The following RABEP1 variants were observed in gnomAD, a reference collection of about 807,000 sequenced individuals.
RABEP1 encodes rabaptin, RAB GTPase binding effector protein 1, also known as rab GTPase-binding effector protein 1.
A neutral mutation model predicts 123.4 loss-of-function variants in RABEP1; 51 were observed. That is an observed-to-expected ratio of 0.41 (90% CI 0.33 to 0.52). RABEP1 has a LOEUF of 0.52. Ranked by LOEUF, RABEP1 falls within the 20% of genes least tolerant of loss-of-function variation. RABEP1 has a pLI of 0.16. For missense variants in RABEP1, 888 were observed against 996.3 expected (o/e 0.89, Z 1.46); for synonymous variants, 347 against 355.2 (o/e 0.98, Z 0.26).
At chr17:5,369,574 ATG>A (rs979380183) in intron 12 of RABEP1, among the ~76,000 whole-genome samples, 1 of 152,178 alleles carries the variant, frequency 6.6e-6, no homozygotes, top group African/African-American at 2.4e-5. Flanking sequence ...CCATAGTTTC[ATG>A]TGTTTTCTCT....
chr17:5,372,819 A>G (rs1053006812), intron 12 of RABEP1, among the ~76,000 whole-genome samples: 4 of 151,858 alleles, frequency 2.6e-5, no homozygotes, highest in Admixed American at 6.6e-5. Flanking sequence ...GCAACGGTGC[A>G]ATCTCGGCTC....
intron 2 of RABEP1, among the ~76,000 whole-genome samples, chr17:5,317,325 A>G (rs750260623): frequency 6.6e-6 from 1 of 152,190 alleles, no homozygotes; most frequent in East Asian, 1.9e-4. Flanking sequence ...ACAGAGACAC[A>G]TGATCATCTT....
intron 1 of RABEP1, among the ~76,000 whole-genome samples, chr17:5,299,395 T>A (rs1468793233): frequency 1.3e-5 from 2 of 151,310 alleles, no homozygotes; most frequent in African/African-American, 2.4e-5. Context: ...TTTTTTTTTT[T>A]AAGCAGTTTT....
chr17:5,384,309 CAGGTCTTTGCCATAACT>C lies in RABEP1; in HGVS notation c.*1087_*1103del, dbSNP rs1911759921. On this transcript the variant is annotated 3_prime_UTR_variant, in exon 18 of 18. Coordinates refer to ENST00000537505, the MANE Select transcript of RABEP1 (RefSeq NM_004703.6). ...CTGTGTGAAGAAAGCCTCAGTGAAA[CAGGTCTTTGCCATAACT>C]TTATGAAGTGCTACAGAAAGCACAA... 4.7e-6 allele frequency: 1 copy of C among 213,546 alleles called. No homozygotes were observed. The highest frequency in any genetic ancestry group is 5.8e-5 in the Admixed American group (1 of 17,120). 13.2% of individuals were successfully genotyped at this position (213,546 alleles called of 1,614,324 possible).
At chr17:5,299,779 G>T (rs1431764409) in intron 1 of RABEP1, among the ~76,000 whole-genome samples, 1 of 137,674 alleles carries the variant, frequency 7.3e-6, no homozygotes, top group Non-Finnish European at 1.5e-5. Flanking sequence ...CGCCAGGCTG[G>T]AGTGCAATGG....
Position 5,385,188 on chromosome 17 carries a change from A to G in RABEP1, c.*1965A>G, listed in dbSNP as rs1478690275. On this transcript the variant is annotated 3_prime_UTR_variant, in exon 18 of 18. Coordinates refer to ENST00000537505, the MANE Select transcript of RABEP1 (RefSeq NM_004703.6). ...CTGAGACTCTTAAGTTTTGTTTAGC[A>G]ATGTGTTTCTGGTATGAAACAAACT... 4.8e-5 allele frequency: 11 copies of G among 230,030 alleles called. No homozygotes were observed. The highest frequency in any genetic ancestry group is 9.5e-5 in the Non-Finnish European group (11 of 116,170). The allele number at this position is 230,030 out of a possible 1,614,324, so 14.2% of individuals were successfully genotyped here. A position where few individuals can be genotyped will look rare whatever the true frequency, so the allele number is the denominator to read the frequency against.
intron 2 of RABEP1, among the ~76,000 whole-genome samples, chr17:5,324,704 A>G (rs768143357): frequency 2.0e-5 from 3 of 152,240 alleles, no homozygotes; most frequent in Non-Finnish European, 4.4e-5. Flanking sequence ...TATGAAGAAG[A>G]TTTGTTAAAG....
chr17:5,338,493 C>T (rs1029195167), intron 5 of RABEP1, among the ~76,000 whole-genome samples: 5 of 152,176 alleles, frequency 3.3e-5, no homozygotes, highest in Non-Finnish European at 4.4e-5. Context: ...GCTTGAAGCC[C>T]GGTGGCGGAG....
rs770933539 is a variant in RABEP1, at chr17:5,373,781, C to G, written c.2025+327C>G. Among the ~76,000 whole-genome samples the G allele has an allele frequency of 2.6e-5, 4 of 151,870 alleles. No homozygotes were observed. In the South Asian group the frequency reaches 6.2e-4, roughly 24 times the overall value. ...CCTTTAGCTACCATCCTTATTCCCC[C>G]TCCTCCCCTAGCCTTAAGCAACTAC... On this transcript the variant is annotated intron_variant, in intron 13 of 17. Coordinates refer to ENST00000537505, the MANE Select transcript of RABEP1 (RefSeq NM_004703.6).
chr17:5,289,146 CCCTT>C (rs1349398728), intron 1 of RABEP1, among the ~76,000 whole-genome samples: 4 of 131,038 alleles, frequency 3.1e-5, no homozygotes, highest in Non-Finnish European at 6.4e-5. Flanking sequence ...TGCTTGCCCT[CCCTT>C]CCTCCCTCCC....
chr17:5,314,484 C>T (rs912785231), intron 2 of RABEP1, among the ~76,000 whole-genome samples: 6 of 148,436 alleles, frequency 4.0e-5, no homozygotes, highest in Non-Finnish European at 7.4e-5. Context: ...TTTTCCAAGC[C>T]GACTTCAACT....
At chr17:5,303,880 A>C (rs565736657) in intron 1 of RABEP1, among the ~76,000 whole-genome samples, 31 of 152,098 alleles carry the variant, frequency 2.0e-4, no homozygotes, top group African/African-American at 7.5e-4. Context: ...TAAAAGTACA[A>C]AAATTAGCTG....
In RABEP1 at chr17:5,385,091, GGGAATGGTTAGT is replaced by G. The variant is rs1277914399; in HGVS notation, c.*1871_*1882del. On this transcript the variant is annotated 3_prime_UTR_variant, in exon 18 of 18. Transcript: ENST00000537505. Reference sequence around the variant, plus strand: ...CTGGGTAATAAAATCATCACAATTAGGGAATGGTTAGTGGTCTCTACTGTGGCAAATGCCAAC... The same window carrying G: ...CTGGGTAATAAAATCATCACAATTAGGGTCTCTACTGTGGCAAATGCCAAC... The G allele has an allele frequency of 1.7e-5, 4 of 229,426 alleles. No homozygotes were observed. The highest frequency in any genetic ancestry group is 3.5e-5 in the Non-Finnish European group (4 of 115,792). 14.2% of individuals were successfully genotyped at this position (229,426 alleles called of 1,614,324 possible).
intron 1 of RABEP1, among the ~76,000 whole-genome samples, chr17:5,299,725 C>T (rs57755701): frequency 0.33 from 33,981 of 102,172 alleles, 6,810 homozygotes; most frequent in East Asian, 0.73. Flanking sequence ...TTTTCTTTTT[C>T]TTTTTCTTTT....
At chr17:5,321,290 A>T (rs538534121) in intron 2 of RABEP1, among the ~76,000 whole-genome samples, 2 of 152,336 alleles carry the variant, frequency 1.3e-5, no homozygotes, top group Non-Finnish European at 2.9e-5. Flanking sequence ...AAAAAATACA[A>T]AAATTAGCCA....
At position 5,331,827 on chromosome 17, in the gene RABEP1, C is replaced by T. The variant is rs1906573087; in HGVS notation, c.164-122C>T. ...ATACCCAGCTTACCTTAAATCTCACCTCTATTAAAAGGGTGTCATTTTGTA... is the reference window on the plus strand; with the variant it reads ...ATACCCAGCTTACCTTAAATCTCACTTCTATTAAAAGGGTGTCATTTTGTA... On this transcript the variant is annotated intron_variant, in intron 2 of 17. Coordinates refer to ENST00000537505, the MANE Select transcript of RABEP1 (RefSeq NM_004703.6). The T allele has an allele frequency of 7.4e-6, 6 of 808,042 alleles. No homozygotes were observed. The East Asian group carries it at 1.6e-4, about 22-fold the overall frequency. The allele number at this position is 808,042 out of a possible 1,614,324, so 50.1% of individuals were successfully genotyped here. A position where few individuals can be genotyped will look rare whatever the true frequency, so the allele number is the denominator to read the frequency against.
intron 2 of RABEP1, 64 bp downstream of exon 2, chr17:5,308,886 G>A (rs1199736747): frequency 1.4e-6 from 2 of 1,404,738 alleles, no homozygotes; most frequent in East Asian, 2.4e-5. Flanking sequence ...GAGTTTCTTG[G>A]TAGTAGTGTT....
intron 1 of RABEP1, among the ~76,000 whole-genome samples, chr17:5,297,892 T>C (rs2075098317): frequency 6.6e-6 from 1 of 152,226 alleles, no homozygotes; most frequent in Non-Finnish European, 1.5e-5. Context: ...ACTTGATTGT[T>C]AGCTCAATTA....
chr17:5,334,049 G>GT (rs1567529016), intron 3 of RABEP1, among the ~76,000 whole-genome samples: 4 of 141,888 alleles, frequency 2.8e-5, no homozygotes, highest in African/African-American at 8.3e-5. Flanking sequence ...GTTACCTAGT[G>GT]GTTTTTTTTT....
Sources: gnomAD v4.1 joint callset for allele counts (sites outside exome capture counted in the v4.1 genomes callset) on GRCh38, gnomAD v4.1.1 for gene constraint, MANE v1.5 for transcripts, NCBI Gene and HGNC (gene_info 2026-07-23, HGNC 2026-07-21) for gene names.